LYST: variants seen among roughly 807,000 people sequenced by gnomAD.
The protein encoded by LYST is lysosomal trafficking regulator.
In LYST, 192 loss-of-function variants were observed where a neutral mutation model predicts 413.6. The observed-to-expected ratio is 0.46, with a 90% CI of 0.41 to 0.52. LYST has a LOEUF of 0.52. LYST is among the 20% of genes least tolerant of loss of function. The probability of loss-of-function intolerance (pLI) is 0.00; values close to 1 mark genes in which losing one functional copy is unlikely to be tolerated. For synonymous variants in LYST, 1,525 were observed against 1,567.3 expected (o/e 0.97, Z 0.64); for missense variants, 3,815 against 4,499.9 (o/e 0.85, Z 4.35).
chr1:235,758,881 G>T, intron 23 of LYST, 91 bp downstream of exon 23: 1 of 1,070,966 alleles, frequency 9.3e-7, no homozygotes, highest in Non-Finnish European at 1.4e-6. Flanking sequence ...TGTATTATAA[G>T]TGGCATAATG....
intron 40 of LYST, among the ~76,000 whole-genome samples, chr1:235,717,686 C>T (rs924113040): frequency 2.0e-5 from 3 of 151,528 alleles, no homozygotes; most frequent in Non-Finnish European, 4.4e-5. Flanking sequence ...ACCAGGTCTG[C>T]TTAACCACAT....
chr1:235,719,908 T>A (rs1663196631), intron 40 of LYST, among the ~76,000 whole-genome samples: 1 of 151,922 alleles, frequency 6.6e-6, no homozygotes, highest in Non-Finnish European at 1.5e-5. Context: ...CTGGGTGTAG[T>A]GGCTCATGCC....
At chr1:235,836,069 C>T (rs10733127) in intron 1 of LYST, among the ~76,000 whole-genome samples, 67,597 of 151,982 alleles carry the variant, frequency 0.44, 16,269 homozygotes, top group African/African-American at 0.61. Flanking sequence ...TAAATGACCT[C>T]CTCAGAAAAA....
chr1:235,810,332 C>T lies in LYST; in HGVS notation c.486G>A (p.Gln162=), dbSNP rs568439685. Residue 162 remains glutamine (Q), a synonymous_variant, in exon 5 of 53, where the codon CAG becomes CAA. Coordinates refer to ENST00000389793, the MANE Select transcript of LYST (RefSeq NM_000081.4). ...TGGCTTCTGAATCTGAGGTGGAGAGCTGTGTCTTTCTTGCATCTCTTACAG... is the reference window on the plus strand; with the variant it reads ...TGGCTTCTGAATCTGAGGTGGAGAGTTGTGTCTTTCTTGCATCTCTTACAG... ...RYSVRDARKT[Q]LSTSDSEANS... is the part of the protein sequence containing the mutation. 6.2e-7 allele frequency: 1 copy of T among 1,614,062 alleles called. No homozygotes were observed. The highest frequency in any genetic ancestry group is 2.2e-5 in the East Asian group (1 of 44,880).
chr1:235,689,688 T>C lies in LYST; in HGVS notation c.10702-2641A>G, dbSNP rs187280206. The stretch of plus-strand genomic sequence containing the variant: ...CGTAAAAAATGCTAACTATGTGAGG[T>C]GACGAATGTGTTAATTAGCCTGACT... On this transcript the variant is annotated intron_variant, in intron 47 of 52. Transcript: ENST00000389793. Among the ~76,000 whole-genome samples the C allele has an allele frequency of 8.1e-4, 124 of 152,318 alleles. 1 individual carries two copies. Among genetic ancestry groups the C allele is most frequent in the African/African-American group, 2.9e-3 (121 of 41,558 alleles).
At chr1:235,712,220 C>A (rs200583452) in intron 42 of LYST, 23 bp from the exon 43 acceptor site, 8 of 1,525,306 alleles carry the variant, frequency 5.2e-6, no homozygotes, top group Non-Finnish European at 7.2e-6. Context: ...ACAAATAATA[C>A]GATTAAGACA....
At chr1:235,730,998 A>T in intron 35 of LYST, 34 bp downstream of exon 35, 1 of 1,609,614 alleles carries the variant, frequency 6.2e-7, no homozygotes, top group Non-Finnish European at 8.5e-7. Context: ...GTTCTCTGCT[A>T]TATTTATATG....
chr1:235,799,673 A>C (rs1454280384), intron 10 of LYST, among the ~76,000 whole-genome samples: 1 of 152,156 alleles, frequency 6.6e-6, no homozygotes, highest in African/African-American at 2.4e-5. Flanking sequence ...AATTTCTCAA[A>C]TGTCTGAGAA....
chr1:235,792,212 C>A, intron 11 of LYST, 87 bp from the exon 12 acceptor site: 1 of 830,826 alleles, frequency 1.2e-6, no homozygotes. Context: ...AATGAAAATA[C>A]AAACATACCC....
chr1:235,837,659 TTAAG>T (rs1676722471), intron 1 of LYST, among the ~76,000 whole-genome samples: 1 of 150,368 alleles, frequency 6.7e-6, no homozygotes, highest in African/African-American at 2.4e-5. Context: ...AGAAGTTAAG[TTAAG>T]TAAGATGAAG....
intron 10 of LYST, among the ~76,000 whole-genome samples, chr1:235,799,041 T>C (rs10926704): frequency 0.5 from 75,584 of 152,102 alleles, 22,098 homozygotes; most frequent in African/African-American, 0.81. Context: ...AATAATGGCA[T>C]ATAATTTCTC....
At chr1:235,738,672 G>C in intron 31 of LYST, 1 of 1,607,230 alleles carries the variant, frequency 6.2e-7, no homozygotes, top group Non-Finnish European at 8.5e-7. Flanking sequence ...CATAGATAAG[G>C]AACAGTGGAA....
chr1:235,785,633 G>A (rs1173096894), intron 14 of LYST, among the ~76,000 whole-genome samples: 1 of 152,158 alleles, frequency 6.6e-6, no homozygotes, highest in African/African-American at 2.4e-5. Context: ...TATTCCCTTT[G>A]ATTAAATCTA....
intron 8 of LYST, among the ~76,000 whole-genome samples, chr1:235,802,611 T>C (rs1464807152): frequency 6.6e-6 from 1 of 152,220 alleles, no homozygotes; most frequent in East Asian, 1.9e-4. Context: ...TCGATTTCTA[T>C]TTTATTATCT....
At chr1:235,798,840 A>G (rs1417673380) in intron 10 of LYST, among the ~76,000 whole-genome samples, 1 of 152,108 alleles carries the variant, frequency 6.6e-6, no homozygotes, top group Non-Finnish European at 1.5e-5. Flanking sequence ...GGGGAGGGTT[A>G]AGGTGCAATA....
At chr1:235,791,488 C>A in intron 12 of LYST, 1 of 537,544 alleles carries the variant, frequency 1.9e-6, no homozygotes. Context: ...CCCCTTCACC[C>A]CTATAAAAAA....
chr1:235,697,688 C>T (rs1661216411), intron 45 of LYST, among the ~76,000 whole-genome samples: 1 of 152,234 alleles, frequency 6.6e-6, no homozygotes, highest in South Asian at 2.1e-4. Flanking sequence ...GGAAACCTCA[C>T]TCAGCTATGA....
At chr1:235,796,399 A>C (rs1323965735) in intron 10 of LYST, among the ~76,000 whole-genome samples, 4 of 152,186 alleles carry the variant, frequency 2.6e-5, no homozygotes, top group African/African-American at 9.7e-5. Flanking sequence ...AGAATACATA[A>C]AAAAAACCTC....
chr1:235,781,102 G>T, intron 15 of LYST, 47 bp from the exon 16 acceptor site: 2 of 1,177,732 alleles, frequency 1.7e-6, no homozygotes, highest in South Asian at 1.3e-5. Context: ...ACCCTAACCA[G>T]AATTTTTCAT....
Sources: allele counts gnomAD v4.1 joint callset (sites outside exome capture counted in the v4.1 genomes callset), GRCh38; gene constraint gnomAD v4.1.1; transcripts MANE v1.5; gene names NCBI Gene and HGNC (gene_info 2026-07-23, HGNC 2026-07-21).